CHRNB2: variants seen among roughly 807,000 people sequenced by gnomAD.
The protein encoded by CHRNB2 is neuronal acetylcholine receptor subunit beta-2.
In CHRNB2, 33 loss-of-function variants were observed where a neutral mutation model predicts 42.7. That is an observed-to-expected ratio of 0.77 (90% confidence interval 0.59 to 1.03). The LOEUF (loss-of-function observed/expected upper bound fraction) is 1.03. CHRNB2 is among the 50% of genes least tolerant of loss of function. The pLI is 0.00. For synonymous variants in CHRNB2, 325 were observed against 292.9 expected, an observed-to-expected ratio of 1.11 and a Z score of -1.12; for missense variants, 603 against 700.9, an observed-to-expected ratio of 0.86 and a Z score of 1.58.
chr1:154,570,468 G>A (rs1182747700), intron 4 of CHRNB2, 101 bp downstream of exon 4: 5 of 761,678 alleles, frequency 6.6e-6, no homozygotes, highest in Non-Finnish European at 1.1e-5. Context: ...GGGAGGGGAG[G>A]GACTTATAAT....
At position 154,572,179 on chromosome 1, in the gene CHRNB2, G is replaced by C; in HGVS notation, c.1338+18G>C. 1 of 1,535,904 alleles carries C rather than the reference G, an allele frequency of 6.5e-7. No homozygotes were observed. Reference sequence around the variant, plus strand: ...ACCAGAGCGTGAGTGCCGCAGGCTGGGACCCCGGGCGTGAGATATGGGGTC... The same window carrying C: ...ACCAGAGCGTGAGTGCCGCAGGCTGCGACCCCGGGCGTGAGATATGGGGTC... On this transcript the variant is annotated intron_variant, in intron 5 of 5. Coordinates refer to ENST00000368476, the MANE Select transcript of CHRNB2 (RefSeq NM_000748.3).
At chr1:154,570,113 C>A in intron 3 of CHRNB2, 145 bp from the exon 4 acceptor site, 2 of 721,300 alleles carry the variant, frequency 2.8e-6, no homozygotes, top group African/African-American at 1.8e-5. Flanking sequence ...ATGAGCCATA[C>A]CTGATGGGCA....
chr1:154,571,496 A>G lies in CHRNB2; in HGVS notation c.673A>G (p.Thr225Ala), dbSNP rs759893037. 6.2e-7 allele frequency: 1 copy of G among 1,613,836 alleles called. No homozygotes were observed. The highest frequency in any genetic ancestry group is 2.2e-5 in the East Asian group (1 of 44,866). ...NPDDSTYVDI[T>A]YDFIIRRKPL... ...CGACGACTCTACGTACGTGGACATC[A>G]CGTATGACTTCATCATTCGCCGCAA... Residue 225 changes from threonine (T) to alanine (A), a missense_variant, in exon 5 of 6, where the codon ACG becomes GCG. Physicochemically the swap from Thr to Ala is moderately conservative, Grantham distance 58 (BLOSUM62 0). Transcript: ENST00000368476. This position sits in a 1 kb window ranked among gnomAD's most constrained non-coding sequence, Gnocchi z 6.8.
intron 5 of CHRNB2, among the ~76,000 whole-genome samples, chr1:154,574,495 G>A (rs1696234499): frequency 6.6e-6 from 1 of 152,150 alleles, no homozygotes; most frequent in Non-Finnish European, 1.5e-5. Flanking sequence ...GTTTTTAAAG[G>A]GACCAGGCCG....
rs774324111 is a variant in CHRNB2, at chr1:154,575,951, T to C, written c.*19T>C. ...CAAGTGAGGCCCTTCCTCATCTCCATGCTCTTTCACCCTGCCACCCTCTGC... is the reference window on the plus strand; with the variant it reads ...CAAGTGAGGCCCTTCCTCATCTCCACGCTCTTTCACCCTGCCACCCTCTGC... On this transcript the variant is annotated 3_prime_UTR_variant, in exon 6 of 6. Coordinates refer to ENST00000368476, the MANE Select transcript of CHRNB2 (RefSeq NM_000748.3). 6.2e-6 allele frequency: 10 copies of C among 1,613,838 alleles called. No individual in the cohort carries two copies. The Admixed American group carries it at 8.3e-5, about 13-fold the overall frequency.
Position 154,577,771 on chromosome 1 carries a change from G to A in CHRNB2, c.*1839G>A, listed in dbSNP as rs1696310146. On this transcript the variant is annotated 3_prime_UTR_variant, in exon 6 of 6. Coordinates refer to ENST00000368476, the MANE Select transcript of CHRNB2 (RefSeq NM_000748.3). ...TGGGAGGAACATTACAGGAACACCA[G>A]AGGGAGTCTAGCGGGTGGGCAGGCT... 6.6e-6 allele frequency: 1 copy of A among 152,280 alleles called. No homozygotes were observed. Among genetic ancestry groups the A allele is most frequent in the African/African-American group, 2.4e-5 (1 of 41,436 alleles). 9.4% of individuals were successfully genotyped at this position (152,280 alleles called of 1,614,324 possible). A position where few individuals can be genotyped will look rare whatever the true frequency, so the allele number is the denominator to read the frequency against.
rs201303323 is a variant in CHRNB2, at chr1:154,578,008, G to C, written c.*2076G>C. Reference sequence around the variant, plus strand: ...TCAGCGCATCTCGTCTGTCAGGATGGGCTCACGGACACCTTTTCTTGGTAG... The same window carrying C: ...TCAGCGCATCTCGTCTGTCAGGATGCGCTCACGGACACCTTTTCTTGGTAG... On this transcript the variant is annotated 3_prime_UTR_variant, in exon 6 of 6. Transcript: ENST00000368476. 1 of 152,370 alleles carries C rather than the reference G, an allele frequency of 6.6e-6. No individual in the cohort carries two copies. Among genetic ancestry groups the C allele is most frequent in the Non-Finnish European group, 1.5e-5 (1 of 68,136 alleles). 9.4% of individuals were successfully genotyped at this position (152,370 alleles called of 1,614,324 possible).
chr1:154,575,741 T>G (rs200367867), intron 5 of CHRNB2, 21 bp from the exon 6 acceptor site: 79 of 1,614,028 alleles, frequency 4.9e-5, no homozygotes, highest in Middle Eastern at 1.6e-4. Context: ...GACCTGGGCC[T>G]CCTCCGTCTC....
At chr1:154,569,343 C>G (rs1696118187) in intron 1 of CHRNB2, 119 bp from the exon 2 acceptor site, 1 of 1,220,750 alleles carries the variant, frequency 8.2e-7, no homozygotes, top group African/African-American at 1.5e-5. Context: ...TTTGCAGTAT[C>G]CTTAGGGATG....
intron 3 of CHRNB2, among the ~76,000 whole-genome samples, 182 bp downstream of exon 3, chr1:154,570,018 T>G (rs1209382109): frequency 6.6e-6 from 1 of 152,184 alleles, no homozygotes; most frequent in African/African-American, 2.4e-5. Flanking sequence ...TATTAAACTC[T>G]CCAAGATTCA....
chr1:154,572,171 G>A lies in CHRNB2; in HGVS notation c.1338+10G>A, dbSNP rs903039235. ...GGACGATGACCAGAGCGTGAGTGCCGCAGGCTGGGACCCCGGGCGTGAGAT... is the reference window on the plus strand; with the variant it reads ...GGACGATGACCAGAGCGTGAGTGCCACAGGCTGGGACCCCGGGCGTGAGAT... On this transcript the variant is annotated intron_variant, in intron 5 of 5. Coordinates refer to ENST00000368476, the MANE Select transcript of CHRNB2 (RefSeq NM_000748.3). 12 of 1,536,292 alleles carry A rather than the reference G, an allele frequency of 7.8e-6. No individual in the cohort carries two copies. The highest frequency in any genetic ancestry group is 2.7e-5 in the African/African-American group (2 of 72,946).
chr1:154,576,588 C>T lies in CHRNB2; in HGVS notation c.*656C>T, dbSNP rs1696284662. On this transcript the variant is annotated 3_prime_UTR_variant, in exon 6 of 6. Coordinates refer to ENST00000368476, the MANE Select transcript of CHRNB2 (RefSeq NM_000748.3). ...GATCCAGAGACCTGCTCCAGATCCTCTTTCCCCACTGAAGAATTCTGCACC... is the reference window on the plus strand; with the variant it reads ...GATCCAGAGACCTGCTCCAGATCCTTTTTCCCCACTGAAGAATTCTGCACC... 1 of 161,510 alleles carries T rather than the reference C, an allele frequency of 6.2e-6. No individual in the cohort carries two copies. The highest frequency in any genetic ancestry group is 2.4e-5 in the African/African-American group (1 of 41,542). 10.0% of individuals were successfully genotyped at this position (161,510 alleles called of 1,614,324 possible). A position where few individuals can be genotyped will look rare whatever the true frequency, so the allele number is the denominator to read the frequency against.
chr1:154,575,347 G>A (rs1406638870), intron 5 of CHRNB2, among the ~76,000 whole-genome samples: 6 of 152,230 alleles, frequency 3.9e-5, no homozygotes, highest in Non-Finnish European at 8.8e-5. Flanking sequence ...TGGGGATCAA[G>A]GCAGCCTTCA....
Position 154,575,754 on chromosome 1 carries a change from C to A in CHRNB2, c.1339-8C>A. ...GTGACCTGGGCCTCCTCCGTCTCCT[C>A]CATCCAGGTGAGTGAGGACTGGAAG... On this transcript the variant is annotated splice_polypyrimidine_tract_variant and splice_region_variant and intron_variant, in intron 5 of 5. Coordinates refer to ENST00000368476, the MANE Select transcript of CHRNB2 (RefSeq NM_000748.3). The A allele has an allele frequency of 6.2e-7, 1 of 1,614,134 alleles. No homozygotes were observed. The highest frequency in any genetic ancestry group is 8.5e-7 in the Non-Finnish European group (1 of 1,180,018).
At chr1:154,573,728 C>T (rs761532008) in intron 5 of CHRNB2, among the ~76,000 whole-genome samples, 12 of 152,150 alleles carry the variant, frequency 7.9e-5, no homozygotes, top group Non-Finnish European at 1.6e-4. Context: ...TTGCCCAGGT[C>T]ACTGGTCACT....
At chr1:154,570,102 C>T (rs1473131905) in intron 3 of CHRNB2, among the ~76,000 whole-genome samples, 156 bp from the exon 4 acceptor site, 9 of 152,190 alleles carry the variant, frequency 5.9e-5, no homozygotes, top group African/African-American at 2.2e-4. Context: ...GAAAGTACCA[C>T]ATGAGCCATA....
rs953515315 is a variant in CHRNB2, at chr1:154,579,373, T to C, written c.*3441T>C. 1 of 152,310 alleles carries C rather than the reference T, an allele frequency of 6.6e-6. No homozygotes were observed. The highest frequency in any genetic ancestry group is 2.1e-4 in the South Asian group (1 of 4,826). The allele number at this position is 152,310 out of a possible 1,614,324, so 9.4% of individuals were successfully genotyped here. ...AGAAATGCGGCTCAGAAAGACCAAG[T>C]GACAGCTAGTGAGTAGTGCTGGGCC... On this transcript the variant is annotated 3_prime_UTR_variant, in exon 6 of 6. Transcript: ENST00000368476.
chr1:154,568,837 C>CA (rs1443596105), intron 1 of CHRNB2, among the ~76,000 whole-genome samples: 2 of 151,982 alleles, frequency 1.3e-5, no homozygotes, highest in Non-Finnish European at 2.9e-5. Context: ...CTTGGGGCTA[C>CA]ATATATGCCT....
chr1:154,577,690 T>C lies in CHRNB2; in HGVS notation c.*1758T>C, dbSNP rs1324375352. On this transcript the variant is annotated 3_prime_UTR_variant, in exon 6 of 6. Transcript: ENST00000368476. ...CCAGCCTCCCTCCCAGGCCCACTCT[T>C]CCCCCCTCTTCCCTGAGGAAACCAA... 6.6e-6 allele frequency: 1 copy of C among 152,038 alleles called. No individual in the cohort carries two copies. Among genetic ancestry groups the C allele is most frequent in the Non-Finnish European group, 1.5e-5 (1 of 68,014 alleles). The allele number at this position is 152,038 out of a possible 1,614,324, so 9.4% of individuals were successfully genotyped here.
Sources: allele counts gnomAD v4.1 joint callset (sites outside exome capture counted in the v4.1 genomes callset), GRCh38; gene constraint gnomAD v4.1.1; non-coding constraint Gnocchi (gnomAD v3.1); transcripts MANE v1.5; gene names NCBI Gene and HGNC (gene_info 2026-07-23, HGNC 2026-07-21).